Variants in PCCB observed in about 807,000 individuals in gnomAD.
PCCB encodes propionyl-CoA carboxylase subunit beta.
PCCB carries 43 observed loss-of-function variants against 60.7 expected under a neutral mutation model. The observed-to-expected ratio is 0.71, with a 90% CI of 0.55 to 0.91. The LOEUF (loss-of-function observed/expected upper bound fraction) is 0.91. Ranked by LOEUF, PCCB falls within the 40% of genes least tolerant of loss-of-function variation. The pLI, the probability that PCCB is intolerant of heterozygous loss-of-function variation, is 0.00. For missense variants in PCCB, 766 were observed against 702.8 expected, an observed-to-expected ratio of 1.09 and a Z score of -1.02; for synonymous variants, 276 against 255.9, an observed-to-expected ratio of 1.08 and a Z score of -0.75.
chr3:136,302,266 A>G lies in PCCB; in HGVS notation c.966+1155A>G, dbSNP rs989734651. Reference sequence around the variant, plus strand: ...GATGGGTAGCTGCTACTATGCTAAGAGCTGAAATTAACTCCAATTTTCAGT... The same window carrying G: ...GATGGGTAGCTGCTACTATGCTAAGGGCTGAAATTAACTCCAATTTTCAGT... On this transcript the variant is annotated intron_variant, in intron 9 of 14. Coordinates refer to ENST00000251654, the MANE Select transcript of PCCB (RefSeq NM_000532.5). 2.9e-4 allele frequency among the ~76,000 whole-genome samples: 22 copies of G among 75,016 alleles called. 6 individuals are homozygous for G. The highest frequency in any genetic ancestry group is 1.1e-4 in the Non-Finnish European group (3 of 28,096). The allele number at this position is 75,016 out of a possible 152,430, so 49.2% of individuals were successfully genotyped here.
chr3:136,256,290 G>T, intron 2 of PCCB: 1 of 573,004 alleles, frequency 1.7e-6, no homozygotes, highest in Non-Finnish European at 3.1e-6. Flanking sequence ...GAGAAGTGGT[G>T]GCCCTGGGTC....
intron 10 of PCCB, among the ~76,000 whole-genome samples, chr3:136,320,644 AT>A (rs139293895): frequency 3.5e-4 from 54 of 152,246 alleles, no homozygotes; most frequent in East Asian, 3.1e-3. Flanking sequence ...GACATGGGGT[AT>A]TTTCACCTTT....
chr3:136,262,811 A>G (rs1941861456), intron 5 of PCCB, among the ~76,000 whole-genome samples: 1 of 152,206 alleles, frequency 6.6e-6, no homozygotes, highest in Non-Finnish European at 1.5e-5. Flanking sequence ...GGCTTGGCCT[A>G]AGCAGTTTAG....
intron 5 of PCCB, among the ~76,000 whole-genome samples, chr3:136,277,012 A>C (rs1031646444): frequency 6.6e-6 from 1 of 152,128 alleles, no homozygotes; most frequent in Non-Finnish European, 1.5e-5. Context: ...GGGCTGCCCA[A>C]CTCCAGGCTG....
At chr3:136,303,776 G>C (rs111510216) in intron 9 of PCCB, among the ~76,000 whole-genome samples, 7 of 120,984 alleles carry the variant, frequency 5.8e-5, no homozygotes, top group African/African-American at 1.5e-4. Flanking sequence ...GCTAATTTTT[G>C]TACTTTTAGT....
rs879253815 is a variant in PCCB, at chr3:136,262,015, C to T, written c.493C>T (p.Arg165Trp). The T allele has an allele frequency of 6.4e-6, 10 of 1,560,902 alleles. No homozygotes were observed. The highest frequency in any genetic ancestry group is 2.7e-5 in the African/African-American group (2 of 73,922). ...VIGLNDSGGA[R>W]IQEGVESLAG... is the part of the protein sequence containing the mutation. Reference sequence around the variant, plus strand: ...TGGGCTGAATGACTCTGGGGGAGCACGGATCCAAGAAGGAGTGGAGTCTTT... The same window carrying T: ...TGGGCTGAATGACTCTGGGGGAGCATGGATCCAAGAAGGAGTGGAGTCTTT... Residue 165 changes from arginine (R) to tryptophan (W), a missense_variant, in exon 5 of 15, where the codon CGG becomes TGG. Coordinates refer to ENST00000251654, the MANE Select transcript of PCCB (RefSeq NM_000532.5).
At chr3:136,295,904 T>C (rs1933911973) in intron 7 of PCCB, among the ~76,000 whole-genome samples, 2 of 152,100 alleles carry the variant, frequency 1.3e-5, no homozygotes, top group Admixed American at 1.3e-4. Flanking sequence ...GTTTCTTCTG[T>C]AGCACAATCT....
chr3:136,309,262 CAAAAA>C (rs1202774808), intron 9 of PCCB, among the ~76,000 whole-genome samples: 1 of 47,012 alleles, frequency 2.1e-5, no homozygotes. Flanking sequence ...GACTCCATCT[CAAAAA>C]AAAAAAAAAA....
In PCCB at chr3:136,268,095, T is replaced by TATATATATATAC. The variant is rs1560002423; in HGVS notation, c.543+6041_543+6042insCATATATATATA. 2.4e-4 allele frequency among the ~76,000 whole-genome samples: 22 copies of TATATATATATAC among 92,214 alleles called. No individual in the cohort carries two copies. In the East Asian group the frequency reaches 6.0e-3, roughly 25 times the overall value. The allele number at this position is 92,214 out of a possible 152,430, so 60.5% of individuals were successfully genotyped here. ...GTGTGTGTGTGTGTGTAGATATATA[T>TATATATATATAC]ATATATATATATATATATATATATA... On this transcript the variant is annotated intron_variant, in intron 5 of 14. Coordinates refer to ENST00000251654, the MANE Select transcript of PCCB (RefSeq NM_000532.5).
intron 1 of PCCB, 125 bp downstream of exon 1, chr3:136,250,683 G>T (rs1187840626): frequency 2.2e-5 from 21 of 950,174 alleles, no homozygotes; most frequent in Non-Finnish European, 3.2e-5. Flanking sequence ...CCGGAGCAAG[G>T]GTGTTCACCT....
At chr3:136,260,791 T>C (rs1941800662) in intron 4 of PCCB, among the ~76,000 whole-genome samples, 1 of 152,192 alleles carries the variant, frequency 6.6e-6, no homozygotes, top group African/African-American at 2.4e-5. Flanking sequence ...AAAAATGTTT[T>C]TAAAAACCAC....
In PCCB at chr3:136,327,909, T is replaced by G. The variant is rs113068452; in HGVS notation, c.1398+177T>G. ...CCTCTTGGGGCTCCAGAGATAGCTCTGCCTCCTGTCCTATACCCTTTCTTC... is the reference window on the plus strand; with the variant it reads ...CCTCTTGGGGCTCCAGAGATAGCTCGGCCTCCTGTCCTATACCCTTTCTTC... On this transcript the variant is annotated intron_variant, in intron 13 of 14. Transcript: ENST00000251654. Among the ~76,000 whole-genome samples the G allele has an allele frequency of 7.3e-3, 1,119 of 152,310 alleles. 9 individuals carry two copies. The highest frequency in any genetic ancestry group is 0.017 in the Middle Eastern group (5 of 294).
chr3:136,293,701 C>A, intron 6 of PCCB, 55 bp from the exon 7 acceptor site: 1 of 1,079,236 alleles, frequency 9.3e-7, no homozygotes. Flanking sequence ...AACTCTAAGG[C>A]TGTGACCAGC....
At chr3:136,255,386 T>G in intron 1 of PCCB, 1 of 213,706 alleles carries the variant, frequency 4.7e-6, no homozygotes, top group Non-Finnish European at 9.5e-6. Context: ...GTCCTTGAGG[T>G]GGGAGCTGGG....
At chr3:136,322,068 T>C (rs989919808) in intron 10 of PCCB, among the ~76,000 whole-genome samples, 1 of 152,264 alleles carries the variant, frequency 6.6e-6, no homozygotes, top group East Asian at 1.9e-4. Flanking sequence ...ACTTCTAGTT[T>C]CTTACAAGTA....
At chr3:136,283,607 G>C (rs1184354716) in intron 5 of PCCB, among the ~76,000 whole-genome samples, 1 of 152,104 alleles carries the variant, frequency 6.6e-6, no homozygotes, top group Non-Finnish European at 1.5e-5. Context: ...AGGAGGGGAG[G>C]GGAGAGAAAA....
chr3:136,265,020 C>G (rs1397487013), intron 5 of PCCB, among the ~76,000 whole-genome samples: 1 of 151,416 alleles, frequency 6.6e-6, no homozygotes, highest in East Asian at 1.9e-4. Flanking sequence ...ATGGTGAAAC[C>G]CTGTCTCTAC....
chr3:136,298,391 G>T (rs756587184), intron 8 of PCCB, among the ~76,000 whole-genome samples: 1 of 151,826 alleles, frequency 6.6e-6, no homozygotes, highest in East Asian at 1.9e-4. Flanking sequence ...TTTTGGTCTG[G>T]CCTAGTCCCC....
intron 8 of PCCB, among the ~76,000 whole-genome samples, chr3:136,300,448 C>T (rs925925756): frequency 2.6e-5 from 4 of 152,162 alleles, no homozygotes; most frequent in African/African-American, 9.7e-5. Context: ...TGGGCTCTGG[C>T]TTAGTTTTTC....
Sources: gnomAD v4.1 joint callset for allele counts (sites outside exome capture counted in the v4.1 genomes callset) on GRCh38, gnomAD v4.1.1 for gene constraint, MANE v1.5 for transcripts, NCBI Gene and HGNC (gene_info 2026-07-23, HGNC 2026-07-21) for gene names.